COL11A1: variants seen among roughly 807,000 people sequenced by gnomAD.
COL11A1 encodes the protein collagen alpha-1(XI) chain.
A neutral mutation model predicts 265.2 loss-of-function variants in COL11A1; 74 were observed. That is an observed-to-expected ratio of 0.28 (90% CI 0.23 to 0.34). COL11A1 has a LOEUF of 0.34. Ranked by LOEUF, COL11A1 falls within the 10% of genes least tolerant of loss-of-function variation. The pLI is 1.00. For missense variants in COL11A1, 2,165 were observed against 2,263.6 expected, an observed-to-expected ratio of 0.96 and a Z score of 0.88; for synonymous variants, 816 against 727.6, an observed-to-expected ratio of 1.12 and a Z score of -1.96.
chr1:102,934,970 C>T (rs1657992631), intron 45 of COL11A1, 90 bp downstream of exon 45: 4 of 1,206,914 alleles, frequency 3.3e-6, no homozygotes, highest in South Asian at 2.6e-5. Context: ...AACTTATTAC[C>T]CCACAAAATT....
intron 2 of COL11A1, among the ~76,000 whole-genome samples, chr1:103,081,496 A>T (rs1293340662): frequency 6.6e-6 from 1 of 151,916 alleles, no homozygotes; most frequent in Admixed American, 6.6e-5. Context: ...TTTCAAAGTC[A>T]GAAAAAAAGT....
At chr1:102,922,634 C>G (rs566572992) in intron 47 of COL11A1, among the ~76,000 whole-genome samples, 115 of 152,200 alleles carry the variant, frequency 7.6e-4, no homozygotes, top group African/African-American at 2.5e-3. Flanking sequence ...CTCCTGACAT[C>G]GTGATCCGCC....
chr1:103,023,127 A>G, intron 7 of COL11A1, 131 bp from the exon 8 acceptor site: 2 of 858,842 alleles, frequency 2.3e-6, no homozygotes, highest in Admixed American at 2.1e-5. Context: ...AACTCTAAAC[A>G]CCTGGAAAGT....
intron 46 of COL11A1, among the ~76,000 whole-genome samples, chr1:102,933,717 G>A (rs548566363): frequency 6.6e-6 from 1 of 152,256 alleles, no homozygotes; most frequent in South Asian, 2.1e-4. Context: ...TTTGATCTCA[G>A]ACTGCTGTGC....
intron 5 of COL11A1, among the ~76,000 whole-genome samples, chr1:103,028,259 C>T (rs71664963): frequency 0.034 from 5,193 of 152,152 alleles, 118 homozygotes; most frequent in Middle Eastern, 0.092. Flanking sequence ...CTCTTGAACT[C>T]CTGACCTCAG....
intron 1 of COL11A1, among the ~76,000 whole-genome samples, chr1:103,096,642 C>A (rs1268268638): frequency 2.0e-5 from 3 of 151,874 alleles, no homozygotes; most frequent in Admixed American, 2.0e-4. Flanking sequence ...TCCAGAGCTA[C>A]AATTAATCAA....
At chr1:103,083,441 A>AGT (rs1672599304) in intron 1 of COL11A1, among the ~76,000 whole-genome samples, 1 of 520 alleles carries the variant, frequency 1.9e-3, no homozygotes, top group Admixed American at 0.036. Context: ...ATTTTCCAAC[A>AGT]GTTACTAATA....
intron 38 of COL11A1, among the ~76,000 whole-genome samples, chr1:102,965,243 AT>A (rs1661295484): frequency 6.6e-6 from 1 of 152,068 alleles, no homozygotes; most frequent in African/African-American, 2.4e-5. Flanking sequence ...GAACTTTCTG[AT>A]TTACTTTCAT....
At chr1:102,913,275 G>A (rs1170155581) in intron 53 of COL11A1, among the ~76,000 whole-genome samples, 1 of 152,080 alleles carries the variant, frequency 6.6e-6, no homozygotes, top group East Asian at 1.9e-4. Context: ...TATAATTCAT[G>A]CTAATGATGG....
chr1:102,955,619 T>C (rs1210929833), intron 41 of COL11A1, among the ~76,000 whole-genome samples: 1 of 152,222 alleles, frequency 6.6e-6, no homozygotes, highest in Non-Finnish European at 1.5e-5. Context: ...GAGATTGTTC[T>C]CTACCATAAA....
chr1:103,104,636 A>G (rs2102434339), intron 1 of COL11A1, among the ~76,000 whole-genome samples: 1 of 152,276 alleles, frequency 6.6e-6, no homozygotes. Context: ...CTAATGGACA[A>G]CTAGGTAAAA....
chr1:103,102,186 G>A (rs1674332247), intron 1 of COL11A1, among the ~76,000 whole-genome samples: 1 of 151,976 alleles, frequency 6.6e-6, no homozygotes, highest in African/African-American at 2.4e-5. Flanking sequence ...GAAGGAAGGA[G>A]AAAGAAATAC....
chr1:103,027,384 A>C (rs1400735077), intron 5 of COL11A1, among the ~76,000 whole-genome samples: 1 of 141,606 alleles, frequency 7.1e-6, no homozygotes, highest in East Asian at 2.0e-4. Flanking sequence ...AAACTCAACA[A>C]GTTAAAACTC....
At chr1:103,065,413 A>G (rs541430423) in intron 4 of COL11A1, among the ~76,000 whole-genome samples, 4 of 149,634 alleles carry the variant, frequency 2.7e-5, no homozygotes, top group East Asian at 4.1e-4. Context: ...CCAGCTACTC[A>G]GGAGGCTGAG....
At chr1:102,915,492 G>T in intron 50 of COL11A1, 139 bp downstream of exon 50, 1 of 768,018 alleles carries the variant, frequency 1.3e-6, no homozygotes, top group Non-Finnish European at 2.4e-6. Context: ...ACAAGGCTTT[G>T]TATTTGTGAT....
intron 8 of COL11A1, 98 bp downstream of exon 8, chr1:103,022,644 C>T: frequency 1.4e-6 from 2 of 1,452,300 alleles, no homozygotes. Flanking sequence ...AAAAATTCAA[C>T]CTGCATTTTA....
At chr1:102,881,659 T>C (rs768695216) in intron 65 of COL11A1, 38 bp downstream of exon 65, 2 of 1,484,260 alleles carry the variant, frequency 1.3e-6, no homozygotes, top group South Asian at 1.1e-5. Flanking sequence ...ACTTCTTGAG[T>C]TCGTGAAAAA....
intron 4 of COL11A1, among the ~76,000 whole-genome samples, chr1:103,048,169 G>A (rs1044352153): frequency 1.3e-5 from 2 of 152,184 alleles, no homozygotes; most frequent in African/African-American, 4.8e-5. Context: ...AATAGTTTCA[G>A]AAGGAATGGT....
At chr1:102,917,858 A>C (rs1243929226) in intron 49 of COL11A1, among the ~76,000 whole-genome samples, 1 of 151,772 alleles carries the variant, frequency 6.6e-6, no homozygotes, top group Non-Finnish European at 1.5e-5. Flanking sequence ...TTTTTACTAC[A>C]AAGTTTCATT....
Sources: allele counts gnomAD v4.1 joint callset (sites outside exome capture counted in the v4.1 genomes callset), GRCh38; gene constraint gnomAD v4.1.1; transcripts MANE v1.5; gene names NCBI Gene and HGNC (gene_info 2026-07-23, HGNC 2026-07-21).